TBCK: variants seen among roughly 807,000 people sequenced by gnomAD.
The protein encoded by TBCK is TBC1 domain containing kinase.
TBCK carries 99 observed loss-of-function variants against 113.4 expected under a neutral mutation model. That is an observed-to-expected ratio of 0.87 (90% CI 0.74 to 1.03). TBCK has a LOEUF of 1.03. Ranked by LOEUF, TBCK falls within the 50% of genes least tolerant of loss-of-function variation. The pLI is 0.00. For synonymous variants in TBCK, 369 were observed against 370.8 expected, an observed-to-expected ratio of 1.00 and a Z score of 0.05; for missense variants, 1,045 against 1,061.3, an observed-to-expected ratio of 0.98 and a Z score of 0.21.
intron 3 of TBCK, among the ~76,000 whole-genome samples, chr4:106,280,290 T>C (rs1298412660): frequency 1.3e-5 from 2 of 152,166 alleles, no homozygotes; most frequent in East Asian, 3.8e-4. Context: ...TTAGATTTTT[T>C]CCTATAAAGT....
chr4:106,214,829 G>C (rs1353266390), intron 19 of TBCK, among the ~76,000 whole-genome samples: 2 of 152,012 alleles, frequency 1.3e-5, no homozygotes, highest in African/African-American at 4.8e-5. Context: ...AATCTAGCAA[G>C]GCAGGCCAAC....
intron 24 of TBCK, among the ~76,000 whole-genome samples, chr4:106,103,617 C>A (rs1269930862): frequency 1.3e-5 from 2 of 152,140 alleles, no homozygotes; most frequent in Admixed American, 1.3e-4. Flanking sequence ...ACAGTATATA[C>A]AGCATAGGAC....
intron 10 of TBCK, 65 bp downstream of exon 10, chr4:106,247,074 T>C (rs753497578): frequency 2.7e-6 from 4 of 1,495,318 alleles, no homozygotes; most frequent in Middle Eastern, 1.8e-4. Flanking sequence ...AAACTGAAAG[T>C]AGGACAAGGA....
In TBCK at chr4:106,126,383, G is replaced by GAT. The variant is rs139600313; in HGVS notation, c.2236-10007_2236-10006dup. On this transcript the variant is annotated intron_variant, in intron 23 of 25. Coordinates refer to ENST00000394708, the MANE Select transcript of TBCK (RefSeq NM_001163435.3). ...TTATCTGACACACAGAAAGTATTAA[G>GAT]ATATATATATATTGATTATAAAGGA... Among the ~76,000 whole-genome samples, 17 of 151,102 alleles carry GAT rather than the reference G, an allele frequency of 1.1e-4. No homozygotes were observed. The South Asian group carries it at 1.5e-3, about 13-fold the overall frequency.
chr4:106,171,419 A>G (rs1055140514), intron 22 of TBCK, 149 bp from the exon 23 acceptor site: 7 of 604,760 alleles, frequency 1.2e-5, no homozygotes, highest in Admixed American at 3.6e-5. Flanking sequence ...AACAATGTAT[A>G]TATTAATCAG....
intron 2 of TBCK, among the ~76,000 whole-genome samples, chr4:106,296,738 G>T (rs980231498): frequency 1.3e-5 from 2 of 151,894 alleles, no homozygotes; most frequent in Non-Finnish European, 1.5e-5. Flanking sequence ...AGAGGAAAAG[G>T]AATAAAATGA....
intron 22 of TBCK, among the ~76,000 whole-genome samples, chr4:106,179,968 C>G (rs1485892303): frequency 1.3e-5 from 2 of 151,968 alleles, no homozygotes; most frequent in African/African-American, 2.4e-5. Flanking sequence ...GCTATATTGA[C>G]TTTTATCATC....
intron 25 of TBCK, among the ~76,000 whole-genome samples, chr4:106,083,128 T>C (rs2149494381): frequency 6.6e-6 from 1 of 152,280 alleles, no homozygotes; most frequent in Non-Finnish European, 1.5e-5. Flanking sequence ...CCATTTGAGC[T>C]CCTTGGGGAA....
At chr4:106,165,624 T>C (rs1212498042) in intron 23 of TBCK, among the ~76,000 whole-genome samples, 4 of 151,594 alleles carry the variant, frequency 2.6e-5, no homozygotes, top group Admixed American at 6.6e-5. Flanking sequence ...GACTGCAAAG[T>C]AAAAAAAATT....
chr4:106,295,192 T>A (rs1277869067), intron 2 of TBCK, 26 bp from the exon 3 acceptor site: 1 of 1,605,096 alleles, frequency 6.2e-7, no homozygotes, highest in Admixed American at 1.7e-5. Context: ...CAAACCCATG[T>A]TATATTTTAT....
intron 3 of TBCK, among the ~76,000 whole-genome samples, chr4:106,289,183 A>G (rs953451318): frequency 6.6e-6 from 1 of 152,224 alleles, no homozygotes; most frequent in African/African-American, 2.4e-5. Context: ...ATCTTTTTGC[A>G]TAGGTGGACA....
intron 23 of TBCK, among the ~76,000 whole-genome samples, chr4:106,144,218 C>T (rs1423974401): frequency 1.3e-5 from 2 of 152,104 alleles, no homozygotes; most frequent in Non-Finnish European, 2.9e-5. Flanking sequence ...AAATTTGGAA[C>T]TGATATACTG....
intron 22 of TBCK, among the ~76,000 whole-genome samples, chr4:106,189,385 T>C (rs1288183455): frequency 6.7e-6 from 1 of 149,006 alleles, no homozygotes; most frequent in Non-Finnish European, 1.5e-5. Context: ...ATGACATGCA[T>C]GAATATCATG....
At chr4:106,103,044 T>A (rs77830182) in intron 24 of TBCK, among the ~76,000 whole-genome samples, 8,154 of 152,234 alleles carry the variant, frequency 0.054, 482 homozygotes, top group East Asian at 0.27. Flanking sequence ...AAAATTTCAA[T>A]GGGCTTTAAA....
chr4:106,264,937 G>A (rs575564588), intron 3 of TBCK, among the ~76,000 whole-genome samples: 9 of 151,984 alleles, frequency 5.9e-5, no homozygotes, highest in South Asian at 2.1e-4. Flanking sequence ...TATTAATGGC[G>A]AGAAGGCTAG....
chr4:106,098,179 TCTACA>T (rs959492552), intron 24 of TBCK, among the ~76,000 whole-genome samples: 1 of 152,076 alleles, frequency 6.6e-6, no homozygotes, highest in Non-Finnish European at 1.5e-5. Flanking sequence ...ATCTGAATCC[TCTACA>T]CTAATGTTTT....
intron 23 of TBCK, among the ~76,000 whole-genome samples, chr4:106,155,215 A>C (rs1017773221): frequency 6.6e-6 from 1 of 151,924 alleles, no homozygotes; most frequent in Admixed American, 6.6e-5. Context: ...TCCACTGAAA[A>C]GTCTGCTGCC....
At chr4:106,269,743 CA>C (rs1560942088) in intron 3 of TBCK, among the ~76,000 whole-genome samples, 1 of 152,064 alleles carries the variant, frequency 6.6e-6, no homozygotes, top group Non-Finnish European at 1.5e-5. Flanking sequence ...CCAAAATAAT[CA>C]AAATAGAACC....
chr4:106,095,396 A>AAG, intron 25 of TBCK, 86 bp downstream of exon 25: 2 of 1,288,512 alleles, frequency 1.6e-6, no homozygotes, highest in Non-Finnish European at 2.1e-6. Flanking sequence ...CCAACTCCTG[A>AAG]AGAAATATAC....
Sources: gnomAD v4.1 joint callset for allele counts (sites outside exome capture counted in the v4.1 genomes callset) on GRCh38, gnomAD v4.1.1 for gene constraint, MANE v1.5 for transcripts, NCBI Gene and HGNC (gene_info 2026-07-23, HGNC 2026-07-21) for gene names.